The following SCML4 variants were observed in gnomAD, a reference collection of about 807,000 sequenced individuals.
The protein encoded by SCML4 is sex comb on midleg-like protein 4.
In SCML4, 34 loss-of-function variants were observed where a neutral mutation model predicts 41.1. The observed-to-expected ratio is 0.83, with a 90% CI of 0.63 to 1.10. The LOEUF (loss-of-function observed/expected upper bound fraction) is 1.10, where lower values mean the gene tolerates loss of function less well. SCML4 is among the 50% of genes least tolerant of loss of function. The probability of loss-of-function intolerance (pLI) is 0.00; values close to 1 mark genes in which losing one functional copy is unlikely to be tolerated. For synonymous variants in SCML4, 214 were observed against 220.9 expected, an observed-to-expected ratio of 0.97 and a Z score of 0.28; for missense variants, 522 against 534.1, an observed-to-expected ratio of 0.98 and a Z score of 0.22.
chr6:107,826,276 GAAGAAAAGAA>G (rs543150008), upstream of SCML4, among the ~76,000 whole-genome samples: 431 of 138,904 alleles, frequency 3.1e-3, 3 homozygotes, highest in African/African-American at 0.013. Context: ...AAAAAGAAAA[GAAGAAAAGAA>G]AAGAAAAGAA....
chr6:107,813,626 G>A (rs1784366469), intron 1 of SCML4, among the ~76,000 whole-genome samples: 1 of 151,754 alleles, frequency 6.6e-6, no homozygotes, highest in Admixed American at 6.6e-5. Context: ...ACTTTTTCGG[G>A]AGGAAGATCG....
intron 1 of SCML4, among the ~76,000 whole-genome samples, chr6:107,819,771 T>C (rs993059090): frequency 2.6e-5 from 4 of 152,030 alleles, no homozygotes; most frequent in Admixed American, 2.0e-4. Flanking sequence ...TGGTTTCTTA[T>C]CACTGGACTA....
At chr6:107,758,516 T>C (rs972255416) in intron 2 of SCML4, among the ~76,000 whole-genome samples, 17 of 152,234 alleles carry the variant, frequency 1.1e-4, no homozygotes, top group Admixed American at 2.0e-4. Flanking sequence ...ATTGGCTTTA[T>C]TTAGACATAG....
chr6:107,785,765 A>T (rs1255134075), intron 1 of SCML4, among the ~76,000 whole-genome samples: 3 of 152,236 alleles, frequency 2.0e-5, no homozygotes, highest in African/African-American at 7.2e-5. Flanking sequence ...GCAGGAGGAC[A>T]GTTCTGAAGC....
chr6:107,713,254 CAG>C (rs1774401397), intron 6 of SCML4, among the ~76,000 whole-genome samples: 1 of 152,224 alleles, frequency 6.6e-6, no homozygotes, highest in African/African-American at 2.4e-5. Context: ...TAGCTAACAA[CAG>C]AGTCATGTGG....
chr6:107,755,097 C>T lies in SCML4; in HGVS notation c.157-5284G>A, dbSNP rs145054747. Among the ~76,000 whole-genome samples, 882 of 151,108 alleles carry T rather than the reference C, an allele frequency of 5.8e-3. 6 individuals carry two copies. The highest frequency in any genetic ancestry group is 0.021 in the African/African-American group (854 of 41,012). Reference sequence around the variant, plus strand: ...CCAGCCTGGGCAACAGAGACAGACCCTGTCTCAAAAAAAAAAAAAATTACT... The same window carrying T: ...CCAGCCTGGGCAACAGAGACAGACCTTGTCTCAAAAAAAAAAAAAATTACT... On this transcript the variant is annotated intron_variant, in intron 2 of 7. Coordinates refer to ENST00000369020, the MANE Select transcript of SCML4 (RefSeq NM_198081.5).
chr6:107,734,349 G>A (rs1039966771), intron 5 of SCML4, among the ~76,000 whole-genome samples: 6 of 152,164 alleles, frequency 3.9e-5, no homozygotes, highest in East Asian at 3.8e-4. Context: ...AGGGGTCAAC[G>A]TGACTCAATA....
intron 6 of SCML4, among the ~76,000 whole-genome samples, chr6:107,715,123 T>G (rs1774640565): frequency 1.3e-5 from 2 of 150,136 alleles, no homozygotes; most frequent in Admixed American, 6.7e-5. Flanking sequence ...TACAGGCATG[T>G]GCCGCCACAC....
At chr6:107,818,720 C>T (rs532808185) in intron 1 of SCML4, among the ~76,000 whole-genome samples, 26 of 152,372 alleles carry the variant, frequency 1.7e-4, no homozygotes, top group South Asian at 2.1e-4. Flanking sequence ...AATAGGCTTT[C>T]GCCTTGTGTT....
chr6:107,817,270 CAG>C (rs1784609055), intron 1 of SCML4, among the ~76,000 whole-genome samples: 1 of 152,216 alleles, frequency 6.6e-6, no homozygotes, highest in Admixed American at 6.5e-5. Context: ...TTGACCTGAA[CAG>C]AGATTTGGGC....
At chr6:107,796,418 G>A (rs561656263) in intron 1 of SCML4, among the ~76,000 whole-genome samples, 2 of 152,228 alleles carry the variant, frequency 1.3e-5, no homozygotes, top group Non-Finnish European at 2.9e-5. Flanking sequence ...GTTTTTATGT[G>A]TATATTGGCT....
chr6:107,837,486 G>T, the SCML4 span, among the ~76,000 whole-genome samples: 2 of 152,076 alleles, frequency 1.3e-5, no homozygotes, highest in Non-Finnish European at 2.9e-5. Flanking sequence ...TCAGGGTTTT[G>T]GTTGTCCCCA....
intron 2 of SCML4, among the ~76,000 whole-genome samples, chr6:107,753,861 A>G (rs1049004994): frequency 3.3e-5 from 5 of 152,224 alleles, no homozygotes; most frequent in Non-Finnish European, 5.9e-5. Flanking sequence ...GGACGCACAT[A>G]CTTTCCATCT....
chr6:107,822,795 A>G (rs1785045632), intron 1 of SCML4, among the ~76,000 whole-genome samples: 1 of 152,172 alleles, frequency 6.6e-6, no homozygotes, highest in African/African-American at 2.4e-5. Context: ...AAGATTCTAC[A>G]TTAACCTTTT....
rs115339635 is a variant in SCML4 at position 107,751,308 on chromosome 6, A to C, written c.157-1495T>G. ...TGAGGCATTTCTTGGGTGAAATTGTACCCAAGATTTGAAGGAGGTGAGGGA... is the reference window on the plus strand; with the variant it reads ...TGAGGCATTTCTTGGGTGAAATTGTCCCCAAGATTTGAAGGAGGTGAGGGA... On this transcript the variant is annotated intron_variant, in intron 2 of 7. Transcript: ENST00000369020. Among the ~76,000 whole-genome samples the C allele has an allele frequency of 1.1e-3, 173 of 152,294 alleles. 1 individual carries two copies. Among genetic ancestry groups the C allele is most frequent in the African/African-American group, 4.0e-3 (167 of 41,550 alleles).
At chr6:107,780,421 C>T (rs550924279) in intron 1 of SCML4, among the ~76,000 whole-genome samples, 7 of 152,198 alleles carry the variant, frequency 4.6e-5, no homozygotes, top group African/African-American at 1.4e-4. Context: ...TAAATAAATC[C>T]AGGAGGCTGA....
At chr6:107,738,595 T>A (rs1777300260) in intron 5 of SCML4, among the ~76,000 whole-genome samples, 1 of 151,984 alleles carries the variant, frequency 6.6e-6, no homozygotes, top group African/African-American at 2.4e-5. Context: ...CACTCCAGCC[T>A]GGGCAACAGA....
At chr6:107,773,402 G>C (rs1386311853) in intron 1 of SCML4, among the ~76,000 whole-genome samples, 3 of 151,966 alleles carry the variant, frequency 2.0e-5, no homozygotes, top group Non-Finnish European at 4.4e-5. Flanking sequence ...GACTAGCCTG[G>C]ACAACATAGC....
At chr6:107,761,936 C>T (rs995597870) in intron 2 of SCML4, among the ~76,000 whole-genome samples, 1 of 151,380 alleles carries the variant, frequency 6.6e-6, no homozygotes, top group Non-Finnish European at 1.5e-5. Flanking sequence ...TGACAAGGAA[C>T]CCAGGTGGAA....
Sources: gnomAD v4.1 joint callset for allele counts (sites outside exome capture counted in the v4.1 genomes callset) on GRCh38, gnomAD v4.1.1 for gene constraint, MANE v1.5 for transcripts, NCBI Gene and HGNC (gene_info 2026-07-23, HGNC 2026-07-21) for gene names.